ZNF257: variants seen among roughly 807,000 people sequenced by gnomAD.
ZNF257 encodes bone marrow zinc finger 4.
Under a neutral mutation model 11.9 loss-of-function variants are expected in ZNF257, and 12 were observed. The ratio of observed to expected loss-of-function variants is 1.01; its 90% confidence interval spans 0.65 to 1.63. The LOEUF (loss-of-function observed/expected upper bound fraction) is 1.63. Among genes scored for constraint, ZNF257 ranks in the 40% most tolerant of loss-of-function variants. ZNF257 has a pLI of 0.00. For synonymous variants in ZNF257, 183 were observed against 222.7 expected, an observed-to-expected ratio of 0.82 and a Z score of 1.59; for missense variants, 580 against 665.5, an observed-to-expected ratio of 0.87 and a Z score of 1.41.
chr19:22,086,894 TTAAA>T (rs1207833816), intron 3 of ZNF257, among the ~76,000 whole-genome samples: 1 of 151,928 alleles, frequency 6.6e-6, no homozygotes, highest in Non-Finnish European at 1.5e-5. Flanking sequence ...ATGTGTTTTT[TTAAA>T]TAAATATCTT....
intron 3 of ZNF257, among the ~76,000 whole-genome samples, chr19:22,079,605 C>G (rs2022314370): frequency 6.6e-6 from 1 of 152,116 alleles, no homozygotes; most frequent in Admixed American, 6.5e-5. Context: ...AACTTATTCA[C>G]TATCACAAGA....
In ZNF257 at chr19:22,088,817, C is replaced by T. The variant is rs748544697; in HGVS notation, c.1067C>T (p.Ser356Phe). ...CEECGKAFNR[S>F]SHLTQHKIIH... ...GAGTGTGGCAAAGCTTTTAACCGGT[C>T]TTCACACCTTACTCAACATAAGATA... is the stretch of plus-strand genomic sequence containing the variant. Residue 356 changes from serine to phenylalanine, a missense_variant, in exon 4 of 4, where the codon TCT becomes TTT. By Grantham distance (155) the Ser-to-Phe change is radical. Transcript: ENST00000594947. 1 of 1,612,918 alleles carries T rather than the reference C, an allele frequency of 6.2e-7. No homozygotes were observed. Among genetic ancestry groups the T allele is most frequent in the Non-Finnish European group, 8.5e-7 (1 of 1,179,628 alleles).
At chr19:22,086,596 T>C (rs920129371) in intron 3 of ZNF257, among the ~76,000 whole-genome samples, 4 of 152,086 alleles carry the variant, frequency 2.6e-5, no homozygotes, top group African/African-American at 4.8e-5. Context: ...TTGATCTATA[T>C]AGGCCATATG....
chr19:22,083,573 GTTTA>G, intron 3 of ZNF257, among the ~76,000 whole-genome samples: 1 of 152,136 alleles, frequency 6.6e-6, no homozygotes, highest in South Asian at 2.1e-4. Flanking sequence ...AAATATTCTG[GTTTA>G]TTTTTTAGTT....
Sources: gnomAD v4.1 joint callset for allele counts (sites outside exome capture counted in the v4.1 genomes callset) on GRCh38, gnomAD v4.1.1 for gene constraint, MANE v1.5 for transcripts, NCBI Gene and HGNC (gene_info 2026-07-23, HGNC 2026-07-21) for gene names.